Variants in SP2 observed in about 807,000 individuals in gnomAD.
SP2 encodes Sp2 transcription factor.
SP2 carries 9 observed loss-of-function variants against 50.1 expected under a neutral mutation model. That is an observed-to-expected ratio of 0.18 (90% confidence interval 0.11 to 0.31). The LOEUF (loss-of-function observed/expected upper bound fraction) is 0.31. Ranked by LOEUF, SP2 falls within the 10% of genes least tolerant of loss-of-function variation. SP2 has a pLI of 1.00. For synonymous variants in SP2, 313 were observed against 326.6 expected (o/e 0.96, Z 0.45); for missense variants, 581 against 806.5 (o/e 0.72, Z 3.39).
chr17:47,896,318 G>C (rs917778037), intron 1 of SP2, 25 bp downstream of exon 1: 11 of 1,236,618 alleles, frequency 8.9e-6, no homozygotes, highest in East Asian at 3.2e-5. Flanking sequence ...CTGCCGGCGG[G>C]GTCTTCCCGG....
chr17:47,916,924 C>T lies in SP2; in HGVS notation c.853C>T (p.Leu285Phe). Residue 285 changes from leucine to phenylalanine, a missense_variant, in exon 3 of 7, where the codon CTC becomes TTC. By Grantham distance (22) the Leu-to-Phe change is conservative. Coordinates refer to ENST00000376741, the MANE Select transcript of SP2 (RefSeq NM_003110.6). This position sits in a 1 kb window ranked among gnomAD's most constrained non-coding sequence, Gnocchi z 4.7. ...DNIIQAGNNLLIVQSPGGGQP... is the reference protein window; with the variant it reads ...DNIIQAGNNLFIVQSPGGGQP... The stretch of plus-strand genomic sequence containing the variant: ...CATCATCCAGGCAGGAAATAACCTG[C>T]TCATTGTTCAGAGCCCTGGTGGGGG... 1 of 1,614,216 alleles carries T rather than the reference C, an allele frequency of 6.2e-7. No homozygotes were observed. The highest frequency in any genetic ancestry group is 8.5e-7 in the Non-Finnish European group (1 of 1,180,022).
chr17:47,917,327 A>C (rs2035253151), intron 3 of SP2, among the ~76,000 whole-genome samples, 197 bp downstream of exon 3: 1 of 152,190 alleles, frequency 6.6e-6, no homozygotes, highest in Admixed American at 6.5e-5. Flanking sequence ...TCTTATCTTT[A>C]GAAATTGATG....
In SP2 at chr17:47,916,891, G is replaced by T. The variant is rs1480351022; in HGVS notation, c.820G>T (p.Ala274Ser). The stretch of plus-strand genomic sequence containing the variant: ...GGAGACGGTGCTGATCGAGACCACC[G>T]CGGACAACATCATCCAGGCAGGAAA... The part of the protein sequence containing the change: ...QVETVLIETT[A>S]DNIIQAGNNL... The change falls in exon 3 of 7, where the codon GCG (alanine) becomes TCG (serine). Residue 274 changes from alanine to serine, a missense_variant. Coordinates refer to ENST00000376741, the MANE Select transcript of SP2 (RefSeq NM_003110.6). This position sits in a 1 kb window ranked among gnomAD's most constrained non-coding sequence, Gnocchi z 4.7. 1.2e-6 allele frequency: 2 copies of T among 1,614,078 alleles called. No homozygotes were observed. The highest frequency in any genetic ancestry group is 1.1e-5 in the South Asian group (1 of 91,070).
intron 1 of SP2, among the ~76,000 whole-genome samples, chr17:47,902,947 G>T (rs1231126299): frequency 6.6e-6 from 1 of 152,126 alleles, no homozygotes; most frequent in African/African-American, 2.4e-5. Flanking sequence ...GTAGAGACGA[G>T]GTTTCGCCAT....
intron 1 of SP2, among the ~76,000 whole-genome samples, chr17:47,908,138 C>T (rs940678899): frequency 1.3e-5 from 2 of 152,180 alleles, no homozygotes; most frequent in African/African-American, 2.4e-5. Flanking sequence ...AATGGTGCAA[C>T]GTCCAGCACT....
At chr17:47,922,757 A>C (rs1183727268) in intron 3 of SP2, among the ~76,000 whole-genome samples, 1 of 152,204 alleles carries the variant, frequency 6.6e-6, no homozygotes, top group Non-Finnish European at 1.5e-5. Flanking sequence ...TTTGGTTTCA[A>C]ATCAATAGTC....
At chr17:47,904,343 C>T (rs1011115116) in intron 1 of SP2, among the ~76,000 whole-genome samples, 4 of 151,264 alleles carry the variant, frequency 2.6e-5, no homozygotes, top group African/African-American at 7.3e-5. Flanking sequence ...GAACAGTTTT[C>T]GTGGCATGCA....
chr17:47,899,633 G>A (rs2034461591), intron 1 of SP2: 1 of 152,158 alleles, frequency 6.6e-6, no homozygotes, highest in Non-Finnish European at 1.5e-5. Context: ...CTGCCTCTGG[G>A]GACACTGAAA....
chr17:47,926,123 G>T (rs757754172), intron 6 of SP2, among the ~76,000 whole-genome samples: 46 of 151,048 alleles, frequency 3.0e-4, no homozygotes, highest in Non-Finnish European at 6.2e-4. Flanking sequence ...CACCATGTTG[G>T]CCAGGCTGGT....
chr17:47,917,173 A>T (rs1023191469), intron 3 of SP2, 43 bp downstream of exon 3: 1 of 1,537,260 alleles, frequency 6.5e-7, no homozygotes, highest in Non-Finnish European at 8.8e-7. Context: ...TCCTCTGGTT[A>T]TCTCTTTTTG....
chr17:47,916,749 G>A lies in SP2; in HGVS notation c.678G>A (p.Gly226=), dbSNP rs372732502. The A allele has an allele frequency of 9.3e-6, 15 of 1,613,002 alleles. No homozygotes were observed. The highest frequency in any genetic ancestry group is 1.3e-5 in the African/African-American group (1 of 74,880). ...VNNLVNASDT[G]APTQLLTESP... is the part of the protein sequence containing the mutation. ...ACCTTGTGAACGCCAGTGACACCGG[G>A]GCCCCTACTCAGCTCCTCACTGAAA... is the stretch of plus-strand genomic sequence containing the variant. Residue 226 remains glycine, a synonymous_variant, in exon 3 of 7, where the codon GGG becomes GGA. Coordinates refer to ENST00000376741, the MANE Select transcript of SP2 (RefSeq NM_003110.6). The surrounding 1 kb of genome is among the most constrained non-coding windows in gnomAD (Gnocchi z 4.7).
At chr17:47,897,928 G>T (rs928219476) in intron 1 of SP2, 31 of 953,950 alleles carry the variant, frequency 3.2e-5, no homozygotes, top group Non-Finnish European at 3.4e-5. Context: ...GGGACGATTG[G>T]TAAGTTTTCT....
chr17:47,914,095 G>A (rs941926522), intron 1 of SP2, among the ~76,000 whole-genome samples: 7 of 152,182 alleles, frequency 4.6e-5, no homozygotes, highest in African/African-American at 1.7e-4. Context: ...ATGAGGCCAG[G>A]GATGGTGGCT....
intron 3 of SP2, 58 bp from the exon 4 acceptor site, chr17:47,922,904 A>G: frequency 6.7e-7 from 1 of 1,487,956 alleles, no homozygotes; most frequent in Non-Finnish European, 9.2e-7. Flanking sequence ...GGACATTTGA[A>G]GGCCCCAGGA....
Position 47,927,949 on chromosome 17 carries a change from G to A in SP2, c.*125G>A. 1.2e-5 allele frequency: 8 copies of A among 652,752 alleles called. No homozygotes were observed. Among genetic ancestry groups the A allele is most frequent in the Non-Finnish European group, 1.7e-5 (6 of 357,334 alleles). 40.4% of individuals were successfully genotyped at this position (652,752 alleles called of 1,614,324 possible). On this transcript the variant is annotated 3_prime_UTR_variant, in exon 7 of 7. Coordinates refer to ENST00000376741, the MANE Select transcript of SP2 (RefSeq NM_003110.6). ...TCAGCCCCACTCCTGTTCTGCAACT[G>A]TCCCCACAGGAAGGGGCTCTGTTCC...
rs2035589640 is a variant in SP2, at chr17:47,924,964, C to A, written c.1418C>A (p.Thr473Asn). The change falls in exon 5 of 7, where the codon ACC becomes AAC. Residue 473 changes from threonine (T) to asparagine (N), a missense_variant. Thr to Asn is a moderately conservative substitution (Grantham distance 65). Coordinates refer to ENST00000376741, the MANE Select transcript of SP2 (RefSeq NM_003110.6). ...CAGAATGTTTCTGGGAACAACCTGA[C>A]CATCAGTGGGCTGAGCCCCACCCAG... ...TVQNVSGNNL[T>N]ISGLSPTQIQ... 1 of 1,613,220 alleles carries A rather than the reference C, an allele frequency of 6.2e-7. No homozygotes were observed. The highest frequency in any genetic ancestry group is 8.5e-7 in the Non-Finnish European group (1 of 1,179,356).
downstream of SP2, among the ~76,000 whole-genome samples, chr17:47,930,611 T>C (rs2035799216): frequency 6.6e-6 from 1 of 152,182 alleles, no homozygotes; most frequent in South Asian, 2.1e-4. Context: ...TGTGGGCAAA[T>C]TAACCCTCCT....
intron 1 of SP2, among the ~76,000 whole-genome samples, chr17:47,905,787 T>A (rs768128465): frequency 1.3e-5 from 2 of 152,030 alleles, no homozygotes; most frequent in Admixed American, 1.3e-4. Context: ...TGCCCCAGAT[T>A]TGAGGTGGGA....
chr17:47,907,956 C>T (rs1203535817), intron 1 of SP2, among the ~76,000 whole-genome samples: 4 of 152,136 alleles, frequency 2.6e-5, no homozygotes, highest in Admixed American at 1.3e-4. Flanking sequence ...TTTTCCTTTT[C>T]GTGGTTAATT....
Sources: gnomAD v4.1 joint callset for allele counts (sites outside exome capture counted in the v4.1 genomes callset) on GRCh38, gnomAD v4.1.1 for gene constraint, Gnocchi (gnomAD v3.1) non-coding constraint, MANE v1.5 for transcripts, NCBI Gene and HGNC (gene_info 2026-07-23, HGNC 2026-07-21) for gene names.